The following ATP1B4 variants were observed in gnomAD, a reference collection of about 807,000 sequenced individuals.
The protein encoded by ATP1B4 is ATPase Na+/K+ transporting family member beta 4.
ATP1B4 carries 32 observed loss-of-function variants against 29.6 expected under a neutral mutation model. That is an observed-to-expected ratio of 1.08 (90% confidence interval 0.82 to 1.45). ATP1B4 has a LOEUF of 1.45. Ranked by LOEUF, ATP1B4 falls within the 40% of genes most tolerant of loss-of-function variation. The probability of loss-of-function intolerance (pLI) is 0.00; values close to 1 mark genes in which losing one functional copy is unlikely to be tolerated. For missense variants in ATP1B4, 323 were observed against 276.2 expected, an observed-to-expected ratio of 1.17 and a Z score of -1.20; for synonymous variants, 127 against 102.1, an observed-to-expected ratio of 1.24 and a Z score of -1.47.
At chrX:120,377,590 G>A (rs1200251402) in intron 6 of ATP1B4, among the ~76,000 whole-genome samples, 1 of 112,156 alleles carries the variant, frequency 8.9e-6, no homozygotes, top group East Asian at 2.8e-4. Context: ...ACTGGACAGA[G>A]TTCTACTTAT....
At position 120,375,496 on chromosome X, in the gene ATP1B4, C is replaced by G. The variant is rs1569355664; in HGVS notation, c.687C>G (p.Asn229Lys). The G allele has an allele frequency of 8.3e-7, 1 of 1,209,082 alleles. No individual in the cohort carries two copies. Among genetic ancestry groups the G allele is most frequent in the Admixed American group, 2.2e-5 (1 of 45,636 alleles). ...ACQFKRSFLK[N>K]CSGLEDPTFG... is the part of the protein sequence containing the mutation. ...AATTTAAGCGCTCCTTCCTAAAGAA[C>G]TGCTCTGGTCTGGAGGACCCAACTT... The change falls in exon 5 of 8, where the codon AAC (asparagine) becomes AAG (lysine). Residue 229 changes from asparagine to lysine, a missense_variant. Physicochemically the swap from Asn to Lys is moderately conservative, Grantham distance 94 (BLOSUM62 0). Transcript: ENST00000218008.
At chrX:120,373,218 C>A (rs992868450) in intron 4 of ATP1B4, among the ~76,000 whole-genome samples, 1 of 112,208 alleles carries the variant, frequency 8.9e-6, no homozygotes, top group East Asian at 2.8e-4. Flanking sequence ...TTTAATGGAA[C>A]TACCTCAAGA....
At chrX:120,376,645 ATG>A (rs1388573326) in intron 6 of ATP1B4, among the ~76,000 whole-genome samples, 1 of 111,812 alleles carries the variant, frequency 8.9e-6, no homozygotes, top group East Asian at 2.8e-4. Flanking sequence ...ATGTGTGTGT[ATG>A]TGTGTGTGTC....
intron 1 of ATP1B4, among the ~76,000 whole-genome samples, chrX:120,363,564 T>C (rs927399378): frequency 2.7e-5 from 3 of 112,810 alleles, no homozygotes; most frequent in Middle Eastern, 4.6e-3. Context: ...ATGTTTATGG[T>C]GTATAAACAC....
At chrX:120,372,845 C>T (rs907954571) in intron 4 of ATP1B4, among the ~76,000 whole-genome samples, 10 of 112,032 alleles carry the variant, frequency 8.9e-5, no homozygotes, top group African/African-American at 1.9e-4. Flanking sequence ...CGAGGGGAGA[C>T]GGGACTGGGT....
At chrX:120,371,984 C>A (rs1183800364) in intron 4 of ATP1B4, among the ~76,000 whole-genome samples, 1 of 112,594 alleles carries the variant, frequency 8.9e-6, no homozygotes, top group African/African-American at 3.2e-5. Flanking sequence ...CATTATTTAA[C>A]AGCATTCCAG....
intron 6 of ATP1B4, 32 bp from the exon 7 acceptor site, chrX:120,378,646 A>G: frequency 8.7e-7 from 1 of 1,144,920 alleles, no homozygotes; most frequent in South Asian, 1.8e-5. Context: ...TCTGTGACCC[A>G]GCACCCCACA....
At chrX:120,367,049 T>C (rs2058289737) in intron 2 of ATP1B4, among the ~76,000 whole-genome samples, 1 of 112,152 alleles carries the variant, frequency 8.9e-6, no homozygotes, top group Admixed American at 9.4e-5. Context: ...ACAGTGAGAA[T>C]GAGTTGAAAA....
chrX:120,375,445 T>A lies in ATP1B4; in HGVS notation c.636T>A (p.Asn212Lys). The part of the protein sequence containing the change: ...PPGQYFIQDG[N>K]EDEDKKACQF... ...GGCAGTACTTCATCCAAGATGGCAATGAGGATGAGGACAAGAAGGCCTGCC... is the reference window on the plus strand; with the variant it reads ...GGCAGTACTTCATCCAAGATGGCAAAGAGGATGAGGACAAGAAGGCCTGCC... Residue 212 changes from asparagine to lysine, a missense_variant, in exon 5 of 8, where the codon AAT becomes AAA. By Grantham distance (94) the Asn-to-Lys change is moderately conservative. Coordinates refer to ENST00000218008, the MANE Select transcript of ATP1B4 (RefSeq NM_001142447.3). 8.3e-7 allele frequency: 1 copy of A among 1,210,107 alleles called. No individual in the cohort carries two copies. Among genetic ancestry groups the A allele is most frequent in the Non-Finnish European group, 1.1e-6 (1 of 894,314 alleles).
rs1779811099 is a variant in ATP1B4, at chrX:120,379,809, A to G, written c.*175A>G. On this transcript the variant is annotated 3_prime_UTR_variant, in exon 8 of 8. Transcript: ENST00000218008. Reference sequence around the variant, plus strand: ...AAAATGACATTGTGGGAGCTGTTCGATTTTTTAAAGGTAGTGTCTCCTGAT... The same window carrying G: ...AAAATGACATTGTGGGAGCTGTTCGGTTTTTTAAAGGTAGTGTCTCCTGAT... 2.3e-6 allele frequency: 1 copy of G among 443,924 alleles called. No individual in the cohort carries two copies. The highest frequency in any genetic ancestry group is 3.6e-6 in the Non-Finnish European group (1 of 280,515). 36.6% of individuals were successfully genotyped at this position (443,924 alleles called of 1,213,427 possible). A position where few individuals can be genotyped will look rare whatever the true frequency, so the allele number is the denominator to read the frequency against.
Position 120,366,705 on chromosome X carries a change from T to C in ATP1B4, c.244T>C (p.Trp82Arg), listed in dbSNP as rs1200950426. ...TCAAGGTCAGCCAACAGGCAATGCC[T>C]GGTGGCAGAAATTGCAGATCATGAG... Reference protein sequence around the residue: ...EGQGQPTGNAWWQKLQIMSEY... With the variant: ...EGQGQPTGNARWQKLQIMSEY... The change falls in exon 2 of 8, where the codon TGG (tryptophan) becomes CGG (arginine). Residue 82 changes from tryptophan to arginine, a missense_variant. Trp to Arg is a moderately radical substitution (Grantham distance 101). Transcript: ENST00000218008. 2.5e-6 allele frequency: 3 copies of C among 1,211,569 alleles called. No individual in the cohort carries two copies. The highest frequency in any genetic ancestry group is 3.4e-6 in the Non-Finnish European group (3 of 895,436).
chrX:120,379,732 A>G lies in ATP1B4; in HGVS notation c.*98A>G. 1 of 871,540 alleles carries G rather than the reference A, an allele frequency of 1.1e-6. No homozygotes were observed. The highest frequency in any genetic ancestry group is 1.6e-6 in the Non-Finnish European group (1 of 630,479). 71.8% of individuals were successfully genotyped at this position (871,540 alleles called of 1,213,427 possible). ...CTTTTTCTTCAATTAGGACACAGCC[A>G]GATGGACATCTAAGACAGCCGATCA... On this transcript the variant is annotated 3_prime_UTR_variant, in exon 8 of 8. Coordinates refer to ENST00000218008, the MANE Select transcript of ATP1B4 (RefSeq NM_001142447.3).
At chrX:120,377,431 T>C (rs2058361775) in intron 6 of ATP1B4, among the ~76,000 whole-genome samples, 1 of 112,472 alleles carries the variant, frequency 8.9e-6, no homozygotes, top group African/African-American at 3.2e-5. Context: ...TTCTCATGTA[T>C]ATGTGTAAAT....
rs201021831 is a variant in ATP1B4 at position 120,378,832 on chromosome X, C to CTA, written c.912+60_912+61insAT. On this transcript the variant is annotated intron_variant, in intron 7 of 7. Transcript: ENST00000218008. ...AAAGGGCTCAGTGACAAAAGAAGAG[C>CTA]TGGCTGGGATCTATGAGAATTAGGG... 282 of 1,032,766 alleles carry CTA rather than the reference C, an allele frequency of 2.7e-4. No individual in the cohort carries two copies. In the African/African-American group the frequency reaches 4.4e-3, roughly 16 times the overall value. 85.1% of individuals were successfully genotyped at this position (1,032,766 alleles called of 1,213,427 possible).
intron 6 of ATP1B4, among the ~76,000 whole-genome samples, chrX:120,377,916 T>A (rs1277656308): frequency 8.9e-6 from 1 of 111,947 alleles, no homozygotes; most frequent in Non-Finnish European, 1.9e-5. Context: ...AATTTGCTAG[T>A]AGTGATGCAC....
At position 120,379,566 on chromosome X, in the gene ATP1B4, G is replaced by T; in HGVS notation, c.1006G>T (p.Val336Phe). ...PVQCQLKGKG[V>F]INDVINDRFV... ...GCAGTGCCAACTGAAGGGCAAAGGC[G>T]TCATAAATGATGTCATCAATGATCG... Residue 336 changes from valine (V) to phenylalanine (F), a missense_variant, in exon 8 of 8, where the codon GTC (valine) becomes TTC (phenylalanine). By Grantham distance (50) the Val-to-Phe change is conservative. Transcript: ENST00000218008. 2.5e-6 allele frequency: 3 copies of T among 1,210,942 alleles called. No individual in the cohort carries two copies. The South Asian group carries it at 5.3e-5, about 21-fold the overall frequency.
At chrX:120,364,405 C>T (rs891971357) in intron 1 of ATP1B4, among the ~76,000 whole-genome samples, 54 of 111,448 alleles carry the variant, frequency 4.8e-4, no homozygotes, top group African/African-American at 1.5e-3. Flanking sequence ...AGAGCATTCC[C>T]GCAGAGTCCT....
chrX:120,376,444 G>C lies in ATP1B4; in HGVS notation c.816+8G>C, dbSNP rs765708444. On this transcript the variant is annotated splice_region_variant and intron_variant, in intron 6 of 7. Coordinates refer to ENST00000218008, the MANE Select transcript of ATP1B4 (RefSeq NM_001142447.3). Reference sequence around the variant, plus strand: ...GTTTCCTGCAAAGTTCAGGTAAAGAGTCCTTTTGAGTAAGCATTGTTAGCA... The same window carrying C: ...GTTTCCTGCAAAGTTCAGGTAAAGACTCCTTTTGAGTAAGCATTGTTAGCA... 2 of 1,200,219 alleles carry C rather than the reference G, an allele frequency of 1.7e-6. No homozygotes were observed. The highest frequency in any genetic ancestry group is 3.5e-5 in the South Asian group (2 of 56,487).
intron 6 of ATP1B4, among the ~76,000 whole-genome samples, chrX:120,377,195 G>A (rs187548639): frequency 8.9e-6 from 1 of 112,259 alleles, no homozygotes; most frequent in Non-Finnish European, 1.9e-5. Context: ...TCAGAAAACA[G>A]CAAAAGGCAG....
Sources: allele counts gnomAD v4.1 joint callset (sites outside exome capture counted in the v4.1 genomes callset), GRCh38; gene constraint gnomAD v4.1.1; transcripts MANE v1.5; gene names NCBI Gene and HGNC (gene_info 2026-07-23, HGNC 2026-07-21).